The following RBFOX1 variants were observed in gnomAD, a reference collection of about 807,000 sequenced individuals.
RBFOX1 encodes the protein RNA binding fox-1 homolog 1.
Under a neutral mutation model 57.7 loss-of-function variants are expected in RBFOX1, and 8 were observed. The ratio of observed to expected loss-of-function variants is 0.14; its 90% CI spans 0.08 to 0.25. The LOEUF is 0.25. Among genes scored for constraint, RBFOX1 ranks in the 10% least tolerant of loss-of-function variants. The pLI, the probability that RBFOX1 is intolerant of heterozygous loss-of-function variation, is 1.00. For missense variants in RBFOX1, 611 were observed against 548.5 expected (o/e 1.11, Z -1.14); for synonymous variants, 326 against 222.4 (o/e 1.47, Z -4.15).
In RBFOX1 at chr16:6,237,458, C is replaced by A. The variant is rs369658433; in HGVS notation, c.-126-79537C>A. On this transcript the variant is annotated intron_variant, in intron 1 of 15. Transcript: ENST00000550418. ...TTACCTAACTAGTAACTGAGCCCCA[C>A]TTTCATCAGTTCTAAAACCAGAAAA... Among the ~76,000 whole-genome samples, 8 of 152,272 alleles carry A rather than the reference C, an allele frequency of 5.3e-5. No individual in the cohort carries two copies. In the East Asian group the frequency reaches 9.7e-4, roughly 18 times the overall value.
At chr16:6,667,139 A>C (rs2098738028) in intron 3 of RBFOX1, among the ~76,000 whole-genome samples, 1 of 152,180 alleles carries the variant, frequency 6.6e-6, no homozygotes, top group Non-Finnish European at 1.5e-5. Context: ...GCAGGTAAAA[A>C]GACGCAGAGC....
chr16:5,536,772 G>C (rs1210909831), intron 2 of RBFOX1, among the ~76,000 whole-genome samples: 1 of 151,816 alleles, frequency 6.6e-6, no homozygotes, highest in Non-Finnish European at 1.5e-5. Flanking sequence ...ACATCTTATT[G>C]TAATATGTGG....
chr16:7,221,802 G>A (rs960271326), intron 4 of RBFOX1, among the ~76,000 whole-genome samples: 1 of 152,178 alleles, frequency 6.6e-6, no homozygotes, highest in Non-Finnish European at 1.5e-5. Context: ...TTACAAGCGA[G>A]ATCTAAGAAA....
intron 4 of RBFOX1, among the ~76,000 whole-genome samples, chr16:7,103,659 CT>C (rs2063085981): frequency 6.6e-6 from 1 of 152,124 alleles, no homozygotes; most frequent in Non-Finnish European, 1.5e-5. Flanking sequence ...AAGTACATGT[CT>C]TGTTTACATA....
intron 3 of RBFOX1, among the ~76,000 whole-genome samples, chr16:6,856,201 G>A (rs191131088): frequency 3.2e-4 from 48 of 151,840 alleles, no homozygotes; most frequent in Middle Eastern, 3.4e-3. Context: ...TTGAGAACCA[G>A]ATACTGTGCC....
intron 3 of RBFOX1, among the ~76,000 whole-genome samples, chr16:6,893,260 C>T (rs1044285997): frequency 5.3e-5 from 8 of 152,188 alleles, no homozygotes; most frequent in African/African-American, 1.7e-4. Flanking sequence ...AGAAGAACAC[C>T]GTGGGAAGTT....
chr16:5,670,159 T>C (rs1443718788), intron 3 of RBFOX1, among the ~76,000 whole-genome samples: 1 of 152,014 alleles, frequency 6.6e-6, no homozygotes, highest in Non-Finnish European at 1.5e-5. Flanking sequence ...AGATTAGTGG[T>C]TACTGGGGGC....
At chr16:7,105,175 A>T (rs1245991232) in intron 4 of RBFOX1, among the ~76,000 whole-genome samples, 2 of 152,108 alleles carry the variant, frequency 1.3e-5, no homozygotes, top group Non-Finnish European at 2.9e-5. Flanking sequence ...AGGCCCATCC[A>T]TTAACCAGTC....
chr16:7,168,938 A>G (rs1406277222), intron 4 of RBFOX1, among the ~76,000 whole-genome samples: 2 of 152,178 alleles, frequency 1.3e-5, no homozygotes, highest in Admixed American at 1.3e-4. Flanking sequence ...AAGGTTTGTG[A>G]TGTCCTTCCT....
chr16:5,589,893 A>T (rs1282569029), intron 2 of RBFOX1, among the ~76,000 whole-genome samples: 5 of 151,966 alleles, frequency 3.3e-5, no homozygotes, highest in African/African-American at 1.2e-4. Context: ...GGATCCTGTT[A>T]ATCTTGTCCA....
chr16:6,052,829 A>ATAATAATAATAG (rs1555488812), intron 1 of RBFOX1, among the ~76,000 whole-genome samples: 2 of 148,906 alleles, frequency 1.3e-5, no homozygotes, highest in African/African-American at 4.9e-5. Flanking sequence ...AATAATAATA[A>ATAATAATAATAG]TAATAATATT....
chr16:6,101,934 A>G lies in RBFOX1; in HGVS notation c.-127+81942A>G, dbSNP rs2096314793. Reference sequence around the variant, plus strand: ...GGCCAGTCCACGAATAGTGCACTGCAGTAGGCCTGGCTCTCGGAGGCCCAG... The same window carrying G: ...GGCCAGTCCACGAATAGTGCACTGCGGTAGGCCTGGCTCTCGGAGGCCCAG... On this transcript the variant is annotated intron_variant, in intron 1 of 15. Coordinates refer to ENST00000550418, the MANE Select transcript of RBFOX1 (RefSeq NM_018723.4). Among the ~76,000 whole-genome samples, 4 of 151,802 alleles carry G rather than the reference A, an allele frequency of 2.6e-5. No homozygotes were observed. The South Asian group carries it at 8.4e-4, about 32-fold the overall frequency.
intron 2 of RBFOX1, among the ~76,000 whole-genome samples, chr16:5,469,324 G>T (rs886635226): frequency 2.0e-5 from 3 of 152,164 alleles, no homozygotes; most frequent in African/African-American, 7.2e-5. Flanking sequence ...GGGTGTTTGG[G>T]AGGTGGGCTC....
intron 1 of RBFOX1, among the ~76,000 whole-genome samples, chr16:6,257,573 C>G (rs1201606617): frequency 6.6e-6 from 1 of 152,102 alleles, no homozygotes; most frequent in East Asian, 1.9e-4. Flanking sequence ...CTCCCACTTC[C>G]CATCCTCCAC....
At chr16:5,977,138 C>G (rs1212464714) in intron 4 of RBFOX1, among the ~76,000 whole-genome samples, 5 of 152,124 alleles carry the variant, frequency 3.3e-5, no homozygotes, top group Non-Finnish European at 7.4e-5. Context: ...TTCCGGAAAC[C>G]ACTGGACTGG....
intron 3 of RBFOX1, among the ~76,000 whole-genome samples, chr16:6,858,090 T>C (rs1042395449): frequency 6.6e-6 from 1 of 152,344 alleles, no homozygotes; most frequent in African/African-American, 2.4e-5. Flanking sequence ...GATGTTTCTC[T>C]AACTAGAAAT....
intron 3 of RBFOX1, among the ~76,000 whole-genome samples, chr16:5,800,372 C>G (rs1268303930): frequency 6.6e-6 from 1 of 152,064 alleles, no homozygotes; most frequent in Non-Finnish European, 1.5e-5. Flanking sequence ...AAGAGCAAAC[C>G]AGGGTGGGAC....
chr16:5,548,201 A>T (rs1351554650), intron 2 of RBFOX1, among the ~76,000 whole-genome samples: 3 of 137,774 alleles, frequency 2.2e-5, no homozygotes, highest in East Asian at 2.0e-4. Flanking sequence ...ATATATATAT[A>T]TATAGACATT....
intron 2 of RBFOX1, among the ~76,000 whole-genome samples, chr16:6,458,559 G>A (rs948604784): frequency 6.6e-6 from 1 of 152,118 alleles, no homozygotes; most frequent in African/African-American, 2.4e-5. Context: ...AGACAAACCA[G>A]GCATCAACCA....
Sources: gnomAD v4.1 joint callset for allele counts (sites outside exome capture counted in the v4.1 genomes callset) on GRCh38, gnomAD v4.1.1 for gene constraint, MANE v1.5 for transcripts, NCBI Gene and HGNC (gene_info 2026-07-23, HGNC 2026-07-21) for gene names.